KIAA1217: variants seen among roughly 807,000 people sequenced by gnomAD.
KIAA1217 encodes sickle tail protein homolog.
Under a neutral mutation model 163.9 loss-of-function variants are expected in KIAA1217, and 88 were observed. The observed-to-expected ratio is 0.54, with a 90% CI of 0.45 to 0.64. The LOEUF is 0.64. Ranked by LOEUF, KIAA1217 falls within the 30% of genes least tolerant of loss-of-function variation. KIAA1217 has a pLI of 0.00. For missense variants in KIAA1217, 2,372 were observed against 2,475.0 expected (o/e 0.96, Z 0.88); for synonymous variants, 903 against 923.1 (o/e 0.98, Z 0.39).
chr10:24,012,028 A>G (rs1428110068), intron 2 of KIAA1217, among the ~76,000 whole-genome samples: 1 of 152,176 alleles, frequency 6.6e-6, no homozygotes, highest in African/African-American at 2.4e-5. Flanking sequence ...AAAGAAAGAA[A>G]CATTTCTACA....
chr10:24,151,720 T>C (rs954460957), intron 2 of KIAA1217, among the ~76,000 whole-genome samples: 1 of 151,782 alleles, frequency 6.6e-6, no homozygotes, highest in Non-Finnish European at 1.5e-5. Context: ...CCTTGCTAGA[T>C]GCACCACTGG....
chr10:24,456,345 T>G (rs1207181714), intron 5 of KIAA1217, among the ~76,000 whole-genome samples: 1 of 152,232 alleles, frequency 6.6e-6, no homozygotes, highest in African/African-American at 2.4e-5. Context: ...GTGAGTATTT[T>G]CCGTTTTATT....
At chr10:24,264,755 C>T (rs1048672385) in intron 2 of KIAA1217, among the ~76,000 whole-genome samples, 1 of 143,544 alleles carries the variant, frequency 7.0e-6, no homozygotes, top group Non-Finnish European at 1.5e-5. Context: ...TTGTGGTGGT[C>T]GGTCGGTCTT....
intron 2 of KIAA1217, among the ~76,000 whole-genome samples, chr10:24,135,247 C>G (rs534253765): frequency 2.0e-5 from 3 of 152,322 alleles, no homozygotes; most frequent in African/African-American, 7.2e-5. Context: ...TGGTCCCCGT[C>G]TCAGCAAGGG....
chr10:24,129,651 ACT>A (rs1193377219), intron 2 of KIAA1217, among the ~76,000 whole-genome samples: 7 of 151,892 alleles, frequency 4.6e-5, no homozygotes, highest in Middle Eastern at 3.4e-3. Context: ...CTACCATATG[ACT>A]CTGTTATCTC....
In KIAA1217 at chr10:24,209,947, A is replaced by T. The variant is rs568482416; in HGVS notation, c.70+684A>T. On this transcript the variant is annotated intron_variant, in intron 1 of 20. Transcript: ENST00000376454. The stretch of plus-strand genomic sequence containing the variant: ...ATTTCCAGAAGCTTATGTTGTTCCA[A>T]AGAAATTTCGCACCGGGTTGGGTGG... Among the ~76,000 whole-genome samples the T allele has an allele frequency of 6.6e-5, 10 of 152,282 alleles. 1 individual carries two copies. In the East Asian group the frequency reaches 1.9e-3, roughly 29 times the overall value.
At chr10:23,903,554 C>T (rs1192678936) in intron 1 of KIAA1217, among the ~76,000 whole-genome samples, 1 of 152,090 alleles carries the variant, frequency 6.6e-6, no homozygotes, top group Non-Finnish European at 1.5e-5. Flanking sequence ...ATCTAATGGT[C>T]ATAAACTGAG....
chr10:24,022,442 A>T (rs1342197801), intron 2 of KIAA1217, among the ~76,000 whole-genome samples: 2 of 151,752 alleles, frequency 1.3e-5, no homozygotes, highest in African/African-American at 2.4e-5. Flanking sequence ...AAATAAAAAA[A>T]TTTTAAAAAG....
intron 1 of KIAA1217, among the ~76,000 whole-genome samples, chr10:23,790,137 A>G (rs1269351431): frequency 1.3e-5 from 1 of 79,690 alleles, no homozygotes; most frequent in Non-Finnish European, 2.3e-5. Flanking sequence ...ACATATGCAT[A>G]TACACATATA....
At chr10:24,505,646 G>A (rs1564818585) in intron 9 of KIAA1217, among the ~76,000 whole-genome samples, 1 of 152,048 alleles carries the variant, frequency 6.6e-6, no homozygotes, top group Non-Finnish European at 1.5e-5. Flanking sequence ...GGCATAAAGA[G>A]AGGATGGCGA....
At chr10:23,955,815 C>T (rs1038689077) in intron 1 of KIAA1217, among the ~76,000 whole-genome samples, 4 of 152,084 alleles carry the variant, frequency 2.6e-5, no homozygotes, top group South Asian at 2.1e-4. Flanking sequence ...GTTAAGAATC[C>T]GTAGTTCCTC....
intron 1 of KIAA1217, among the ~76,000 whole-genome samples, chr10:23,960,666 T>C (rs1388512160): frequency 1.3e-5 from 2 of 152,236 alleles, no homozygotes; most frequent in Admixed American, 1.3e-4. Flanking sequence ...CTTCTGATCC[T>C]ACTGTGCTTC....
intron 1 of KIAA1217, among the ~76,000 whole-genome samples, chr10:23,707,018 A>G (rs887746210): frequency 2.0e-5 from 3 of 152,236 alleles, no homozygotes; most frequent in African/African-American, 7.2e-5. Flanking sequence ...ATATTCATTC[A>G]GAATATTTAT....
At chr10:23,969,083 G>A (rs1845191929) in intron 1 of KIAA1217, among the ~76,000 whole-genome samples, 1 of 152,116 alleles carries the variant, frequency 6.6e-6, no homozygotes, top group Admixed American at 6.5e-5. Context: ...TGCCCAAACT[G>A]GAGTGCAATG....
chr10:23,750,134 T>C (rs779136481), intron 1 of KIAA1217, among the ~76,000 whole-genome samples: 35 of 152,350 alleles, frequency 2.3e-4, no homozygotes, highest in Admixed American at 5.9e-4. Context: ...TTTCTTAAAC[T>C]GCTTTCCAGA....
chr10:24,196,564 T>C (rs1298904458), intron 2 of KIAA1217, among the ~76,000 whole-genome samples: 2 of 152,176 alleles, frequency 1.3e-5, no homozygotes, highest in Admixed American at 6.5e-5. Context: ...AGGAAAAAGT[T>C]TACACCTTGA....
chr10:24,065,703 C>T (rs977230207), intron 2 of KIAA1217, among the ~76,000 whole-genome samples: 2 of 152,252 alleles, frequency 1.3e-5, no homozygotes, highest in Admixed American at 1.3e-4. Flanking sequence ...CCCTTGTTAA[C>T]TTTCTGTCTC....
At chr10:24,159,742 C>T (rs2065035866) in intron 2 of KIAA1217, among the ~76,000 whole-genome samples, 1 of 151,970 alleles carries the variant, frequency 6.6e-6, no homozygotes, top group Non-Finnish European at 1.5e-5. Context: ...GAGATCACGC[C>T]ACTGCGCTCC....
chr10:23,910,729 A>T (rs991023179), intron 1 of KIAA1217, among the ~76,000 whole-genome samples: 1 of 152,170 alleles, frequency 6.6e-6, no homozygotes, highest in Non-Finnish European at 1.5e-5. Flanking sequence ...TTCGACTGTT[A>T]TGAACAGCCG....
Sources: allele counts gnomAD v4.1 joint callset (sites outside exome capture counted in the v4.1 genomes callset), GRCh38; gene constraint gnomAD v4.1.1; transcripts MANE v1.5; gene names NCBI Gene and HGNC (gene_info 2026-07-23, HGNC 2026-07-21).